Variants in LEO1 observed in about 807,000 individuals in gnomAD.
The protein encoded by LEO1 is RNA polymerase-associated protein LEO1.
Under a neutral mutation model 80.4 loss-of-function variants are expected in LEO1, and 34 were observed. The ratio of observed to expected loss-of-function variants is 0.42; its 90% CI spans 0.32 to 0.56. The LOEUF is 0.56. LEO1 is among the 20% of genes least tolerant of loss of function. The pLI is 0.10. For synonymous variants in LEO1, 262 were observed against 274.9 expected, an observed-to-expected ratio of 0.95 and a Z score of 0.46; for missense variants, 631 against 814.2, an observed-to-expected ratio of 0.77 and a Z score of 2.74.
At chr15:51,957,559 C>A (rs2056999113) in intron 6 of LEO1, among the ~76,000 whole-genome samples, 1 of 152,108 alleles carries the variant, frequency 6.6e-6, no homozygotes, top group Non-Finnish European at 1.5e-5. Flanking sequence ...ATTTGCATTT[C>A]CATTAAGAGG....
intron 11 of LEO1, among the ~76,000 whole-genome samples, chr15:51,946,469 T>C (rs1395815349): frequency 6.6e-6 from 1 of 152,164 alleles, no homozygotes; most frequent in Non-Finnish European, 1.5e-5. Context: ...GTGCTGGGAT[T>C]AACAGCCATG....
intron 6 of LEO1, among the ~76,000 whole-genome samples, chr15:51,957,535 A>G (rs1269863967): frequency 2.6e-5 from 4 of 152,314 alleles, no homozygotes; most frequent in African/African-American, 9.6e-5. Flanking sequence ...TGTTTATCTC[A>G]GTTTTCTTAT....
At chr15:51,968,556 C>A (rs1265123122) in intron 1 of LEO1, among the ~76,000 whole-genome samples, 2 of 151,494 alleles carry the variant, frequency 1.3e-5, no homozygotes, top group Admixed American at 1.3e-4. Flanking sequence ...GAAGGCCAGG[C>A]GCAGTGGCTC....
chr15:51,942,384 C>T (rs1247557508), intron 11 of LEO1, among the ~76,000 whole-genome samples: 1 of 151,728 alleles, frequency 6.6e-6, no homozygotes, highest in Non-Finnish European at 1.5e-5. Flanking sequence ...TTTGCAACTG[C>T]CCAGCCTAGA....
rs561050385 is a variant in LEO1 at position 51,956,836 on chromosome 15, T to TCG, written c.1245+1905_1245+1906insCG. 3.9e-3 allele frequency among the ~76,000 whole-genome samples: 596 copies of TCG among 152,220 alleles called. 3 individuals carry two copies. Among genetic ancestry groups the TCG allele is most frequent in the Non-Finnish European group, 6.9e-3 (467 of 68,018 alleles). On this transcript the variant is annotated intron_variant, in intron 6 of 11. Transcript: ENST00000299601. ...AAAATACATATTTATAAATTTTTTT[T>TCG]TGGGGGGGAGACAGGGTCTCGCTGT... is the stretch of plus-strand genomic sequence containing the variant.
At position 51,953,270 on chromosome 15, in the gene LEO1, A is replaced by G. The variant is rs1273714258; in HGVS notation, c.1341-7T>C. 3.7e-6 allele frequency: 6 copies of G among 1,611,894 alleles called. No individual in the cohort carries two copies. Among genetic ancestry groups the G allele is most frequent in the South Asian group, 2.2e-5 (2 of 90,454 alleles). On this transcript the variant is annotated splice_polypyrimidine_tract_variant and splice_region_variant and intron_variant, in intron 7 of 11. Transcript: ENST00000299601. ...GCCTAAATGCAGGGACATGCTGGAAAGAGAAACATTTCATCTATTAAAGTC... is the reference window on the plus strand; with the variant it reads ...GCCTAAATGCAGGGACATGCTGGAAGGAGAAACATTTCATCTATTAAAGTC...
At chr15:51,971,556 G>A in intron 1 of LEO1, 132 bp downstream of exon 1, 1 of 856,880 alleles carries the variant, frequency 1.2e-6, no homozygotes, top group East Asian at 2.5e-5. Flanking sequence ...ACCTCCGGGA[G>A]TGCAGGGGGC....
At chr15:51,938,309 T>C in intron 11 of LEO1, 49 bp from the exon 12 acceptor site, 2 of 1,112,138 alleles carry the variant, frequency 1.8e-6, no homozygotes, top group Non-Finnish European at 2.6e-6. Context: ...AAGAACATTT[T>C]TAGGATGGTT....
intron 2 of LEO1, among the ~76,000 whole-genome samples, chr15:51,965,484 CCTCT>C (rs1308889399): frequency 6.6e-6 from 1 of 152,278 alleles, no homozygotes; most frequent in African/African-American, 2.4e-5. Flanking sequence ...CATATCCCTC[CCTCT>C]AAGACTCAAT....
intron 9 of LEO1, 95 bp downstream of exon 9, chr15:51,951,749 G>T: frequency 9.3e-7 from 1 of 1,080,992 alleles, no homozygotes; most frequent in Admixed American, 2.0e-5. Flanking sequence ...AGAGGAAAAG[G>T]TAGGCCAATA....
At chr15:51,958,627 A>G in intron 6 of LEO1, 115 bp downstream of exon 6, 1 of 661,430 alleles carries the variant, frequency 1.5e-6, no homozygotes, top group South Asian at 1.7e-5. Flanking sequence ...AAAAGAACAC[A>G]GCCATATAGT....
intron 11 of LEO1, among the ~76,000 whole-genome samples, chr15:51,940,343 G>C (rs184441063): frequency 1.3e-5 from 2 of 148,848 alleles, no homozygotes; most frequent in Non-Finnish European, 1.5e-5. Flanking sequence ...GGCAGATCAC[G>C]AGGTCAGGAG....
chr15:51,960,816 A>G lies in LEO1; in HGVS notation c.920-83T>C, dbSNP rs1053757040. 2.9e-5 allele frequency: 23 copies of G among 800,896 alleles called. 1 individual carries two copies. Among genetic ancestry groups the G allele is most frequent in the Admixed American group, 2.4e-4 (12 of 49,690 alleles). The allele number at this position is 800,896 out of a possible 1,614,324, so 49.6% of individuals were successfully genotyped here. ...AGCTGATCACTTCAACACATTCCCA[A>G]GGTTTCTGGACCAGCATCAGAAAAC... On this transcript the variant is annotated intron_variant, in intron 3 of 11. Transcript: ENST00000299601.
intron 1 of LEO1, among the ~76,000 whole-genome samples, chr15:51,967,421 C>T (rs1595948562): frequency 6.6e-6 from 1 of 151,960 alleles, no homozygotes; most frequent in South Asian, 2.1e-4. Context: ...TGCAGTGAGC[C>T]GAGACCACAC....
chr15:51,945,792 C>T (rs952335976), intron 11 of LEO1, among the ~76,000 whole-genome samples: 7 of 152,028 alleles, frequency 4.6e-5, no homozygotes, highest in East Asian at 1.9e-4. Flanking sequence ...CCCAACACTT[C>T]GGGAGGCTGA....
At chr15:51,943,180 C>T (rs527981155) in intron 11 of LEO1, among the ~76,000 whole-genome samples, 1 of 151,900 alleles carries the variant, frequency 6.6e-6, no homozygotes, top group Non-Finnish European at 1.5e-5. Flanking sequence ...CAGTTCAAGA[C>T]CAGCCTGGCC....
chr15:51,962,418 T>C lies in LEO1; in HGVS notation c.890A>G (p.Glu297Gly). ...TGGCACCTCAGTGTCACTATCCGCTTCTGAATCAGATGCAATCGCATTCTT... is the reference window on the plus strand; with the variant it reads ...TGGCACCTCAGTGTCACTATCCGCTCCTGAATCAGATGCAATCGCATTCTT... ...KRKNAIASDS[E>G]ADSDTEVPKD... The change falls in exon 3 of 12, where the codon GAA (glutamate) becomes GGA (glycine). Residue 297 changes from glutamate (E) to glycine (G), a missense_variant. Physicochemically the swap from Glu to Gly is moderately conservative, Grantham distance 98. Around this residue, in one of 4 missense-constraint regions of LEO1, gnomAD observed 394 missense variants for 395.6 expected, o/e 1.00. Transcript: ENST00000299601. 6.2e-7 allele frequency: 1 copy of C among 1,613,542 alleles called. No homozygotes were observed. The highest frequency in any genetic ancestry group is 8.5e-7 in the Non-Finnish European group (1 of 1,179,642).
chr15:51,965,964 T>C lies in LEO1; in HGVS notation c.599A>G (p.Glu200Gly), dbSNP rs959839425. The change falls in exon 2 of 12, where the codon GAG (glutamate) becomes GGG (glycine). Residue 200 changes from glutamate to glycine, a missense_variant. This residue lies in a region of LEO1 where 394 missense variants were observed against 395.6 expected (regional missense o/e 1.00). Coordinates refer to ENST00000299601, the MANE Select transcript of LEO1 (RefSeq NM_138792.4). Reference sequence around the variant, plus strand: ...TTCCTCCTCAGATAGCTGTTGTCTCTCATCATCGGAAAGCTGAGGCCTCTC... The same window carrying C: ...TTCCTCCTCAGATAGCTGTTGTCTCCCATCATCGGAAAGCTGAGGCCTCTC... ...DEERPQLSDD[E>G]RQQLSEEEKA... 2 of 1,614,004 alleles carry C rather than the reference T, an allele frequency of 1.2e-6. No individual in the cohort carries two copies. Among genetic ancestry groups the C allele is most frequent in the Non-Finnish European group, 1.7e-6 (2 of 1,179,904 alleles).
intron 10 of LEO1, among the ~76,000 whole-genome samples, chr15:51,948,314 C>T (rs1566881370): frequency 6.6e-6 from 1 of 152,144 alleles, no homozygotes; most frequent in Non-Finnish European, 1.5e-5. Context: ...CTCTGGTGAC[C>T]TGAATGTTAC....
Sources: allele counts gnomAD v4.1 joint callset (sites outside exome capture counted in the v4.1 genomes callset), GRCh38; gene constraint gnomAD v4.1.1; regional missense constraint gnomAD v4.1.1; transcripts MANE v1.5; gene names NCBI Gene and HGNC (gene_info 2026-07-23, HGNC 2026-07-21).